LCMT1: variants seen among roughly 807,000 people sequenced by gnomAD.
LCMT1 encodes the protein [Phosphatase 2A protein]-leucine-carboxy methyltransferase 1.
In LCMT1, 32 loss-of-function variants were observed where a neutral mutation model predicts 47.7. The ratio of observed to expected loss-of-function variants is 0.67; its 90% CI spans 0.51 to 0.90. The LOEUF is 0.90. Among genes scored for constraint, LCMT1 ranks in the 40% least tolerant of loss-of-function variants. The pLI is 0.00. For missense variants in LCMT1, 375 were observed against 415.2 expected (o/e 0.90, Z 0.84); for synonymous variants, 152 against 149.7 (o/e 1.02, Z -0.11).
At chr16:25,150,735 TG>T (rs1269507369) in intron 4 of LCMT1, among the ~76,000 whole-genome samples, 2 of 152,102 alleles carry the variant, frequency 1.3e-5, no homozygotes, top group Non-Finnish European at 2.9e-5. Context: ...TTGAAAAAAA[TG>T]TGAGTAAACA....
intron 3 of LCMT1, among the ~76,000 whole-genome samples, chr16:25,137,018 G>A (rs1960524399): frequency 6.6e-6 from 1 of 152,170 alleles, no homozygotes; most frequent in African/African-American, 2.4e-5. Flanking sequence ...TGTTCTCATT[G>A]TCTTCTGGAA....
intron 10 of LCMT1, among the ~76,000 whole-genome samples, chr16:25,177,450 A>G (rs1321377221): frequency 1.3e-5 from 2 of 152,190 alleles, no homozygotes; most frequent in South Asian, 2.1e-4. Flanking sequence ...ATGTTATAAC[A>G]TTAGCATTTC....
intron 5 of LCMT1, among the ~76,000 whole-genome samples, chr16:25,156,940 CTTTTTTTTTTT>C (rs5816285): frequency 7.7e-6 from 1 of 130,038 alleles, no homozygotes; most frequent in African/African-American, 2.9e-5. Context: ...TCCATTTTAC[CTTTTTTTTTTT>C]TTTTTTTTTA....
intron 4 of LCMT1, 181 bp downstream of exon 4, chr16:25,140,428 A>G: frequency 1.7e-6 from 1 of 594,776 alleles, no homozygotes. Flanking sequence ...TGCAAAATGC[A>G]ATATACATTT....
At chr16:25,150,344 T>G (rs901630550) in intron 4 of LCMT1, among the ~76,000 whole-genome samples, 2 of 139,190 alleles carry the variant, frequency 1.4e-5, no homozygotes, top group South Asian at 2.4e-4. Flanking sequence ...TTTTTTTTTT[T>G]TTTTTTTTTT....
Position 25,178,032 on chromosome 16 carries a change from A to C in LCMT1, c.*9A>C. 1 of 1,613,684 alleles carries C rather than the reference A, an allele frequency of 6.2e-7. No homozygotes were observed. The highest frequency in any genetic ancestry group is 8.5e-7 in the Non-Finnish European group (1 of 1,179,730). On this transcript the variant is annotated 3_prime_UTR_variant, in exon 11 of 11. Transcript: ENST00000399069. ...AGGAGATAACTTATTAATCTGTCGA[A>C]GGCTTATGCCGAGCCAGAAGCCGAA...
At chr16:25,133,051 C>T (rs1567312924) in intron 3 of LCMT1, among the ~76,000 whole-genome samples, 2 of 151,914 alleles carry the variant, frequency 1.3e-5, no homozygotes, top group African/African-American at 2.4e-5. Flanking sequence ...GTAGAGACAG[C>T]GGTCTCACTA....
At chr16:25,120,719 G>C (rs962159184) in intron 1 of LCMT1, among the ~76,000 whole-genome samples, 2 of 147,732 alleles carry the variant, frequency 1.4e-5, no homozygotes, top group African/African-American at 5.0e-5. Context: ...GTGAGACACC[G>C]CACCTGGCCT....
At chr16:25,150,113 C>T (rs1490588529) in intron 4 of LCMT1, among the ~76,000 whole-genome samples, 2 of 152,026 alleles carry the variant, frequency 1.3e-5, no homozygotes, top group Non-Finnish European at 2.9e-5. Context: ...TGAGAGCTTT[C>T]ATAGCCTAGT....
chr16:25,120,923 T>C (rs1185773684), intron 1 of LCMT1, among the ~76,000 whole-genome samples: 4 of 120,244 alleles, frequency 3.3e-5, no homozygotes, highest in African/African-American at 1.1e-4. Context: ...TGATTTTGTA[T>C]TTTTTTTTTT....
At chr16:25,132,578 T>G (rs781290504) in intron 3 of LCMT1, 55 bp downstream of exon 3, 9 of 1,578,924 alleles carry the variant, frequency 5.7e-6, no homozygotes, top group Non-Finnish European at 7.8e-6. Flanking sequence ...TTTCGTTAGA[T>G]TTTCACCTAA....
At chr16:25,119,198 G>A (rs1959892778) in intron 1 of LCMT1, among the ~76,000 whole-genome samples, 1 of 152,086 alleles carries the variant, frequency 6.6e-6, no homozygotes, top group African/African-American at 2.4e-5. Flanking sequence ...AGACTGAGGG[G>A]CCCAAGATGA....
At chr16:25,148,706 C>A (rs1960957930) in intron 4 of LCMT1, 1 of 152,114 alleles carries the variant, frequency 6.6e-6, no homozygotes, top group Admixed American at 6.6e-5. Flanking sequence ...GAAAACTTAC[C>A]AGTCGCGAGA....
At chr16:25,112,694 C>T (rs1017478336) in intron 1 of LCMT1, among the ~76,000 whole-genome samples, 13 of 152,170 alleles carry the variant, frequency 8.5e-5, no homozygotes, top group African/African-American at 3.1e-4. Context: ...ACAAGACAGA[C>T]ATGGTGTCAG....
rs1262607874 is a variant in LCMT1 at position 25,112,005 on chromosome 16, C to A, written c.113+9C>A. On this transcript the variant is annotated intron_variant, in intron 1 of 10. Coordinates refer to ENST00000399069, the MANE Select transcript of LCMT1 (RefSeq NM_016309.3). ...GCTTCCCTGTGCAAGAGGTGCCTGT[C>A]GGGCGCGGGGTTCGGGGCCGGCATC... 4.4e-6 allele frequency: 7 copies of A among 1,602,826 alleles called. No homozygotes were observed. The highest frequency in any genetic ancestry group is 6.0e-6 in the Non-Finnish European group (7 of 1,170,898).
In LCMT1 at chr16:25,165,168, AGTT is replaced by A. The variant is rs370201061; in HGVS notation, c.690+454_690+456del. Among the ~76,000 whole-genome samples the A allele has an allele frequency of 5.1e-3, 775 of 152,260 alleles. 5 individuals carry two copies. Among genetic ancestry groups the A allele is most frequent in the African/African-American group, 0.018 (734 of 41,546 alleles). On this transcript the variant is annotated intron_variant, in intron 7 of 10. Coordinates refer to ENST00000399069, the MANE Select transcript of LCMT1 (RefSeq NM_016309.3). Reference sequence around the variant, plus strand: ...GAGTGGCCACTGCCCATTTACAGCCAGTTGTTATCATGTAGGCATGTGAGCCTA... The same window carrying A: ...GAGTGGCCACTGCCCATTTACAGCCAGTTATCATGTAGGCATGTGAGCCTA...
intron 2 of LCMT1, 146 bp from the exon 3 acceptor site, chr16:25,132,256 T>C: frequency 1.1e-6 from 1 of 947,354 alleles, no homozygotes; most frequent in Non-Finnish European, 1.5e-6. Context: ...AGTTGCTGTT[T>C]CTCCCATAGA....
intron 9 of LCMT1, 37 bp downstream of exon 9, chr16:25,170,842 A>G (rs1961742847): frequency 7.4e-7 from 1 of 1,343,352 alleles, no homozygotes. Flanking sequence ...ATGGGCATTC[A>G]TTGTGAACTC....
intron 7 of LCMT1, among the ~76,000 whole-genome samples, chr16:25,165,118 G>A (rs1225393074): frequency 1.3e-5 from 2 of 151,764 alleles, no homozygotes; most frequent in Non-Finnish European, 2.9e-5. Flanking sequence ...CTGGTGAAAC[G>A]GAGCACCCAC....
Sources: gnomAD v4.1 joint callset for allele counts (sites outside exome capture counted in the v4.1 genomes callset) on GRCh38, gnomAD v4.1.1 for gene constraint, MANE v1.5 for transcripts, NCBI Gene and HGNC (gene_info 2026-07-23, HGNC 2026-07-21) for gene names.